The following FAM117A variants were observed in gnomAD, a reference collection of about 807,000 sequenced individuals.
FAM117A encodes protein FAM117A.
A neutral mutation model predicts 44.1 loss-of-function variants in FAM117A; 21 were observed. The ratio of observed to expected loss-of-function variants is 0.48; its 90% confidence interval spans 0.34 to 0.69. The LOEUF is 0.69. Ranked by LOEUF, FAM117A falls within the 30% of genes least tolerant of loss-of-function variation. The pLI is 0.01. For synonymous variants in FAM117A, 220 were observed against 238.3 expected (o/e 0.92, Z 0.71); for missense variants, 498 against 589.9 (o/e 0.84, Z 1.61).
rs1369469384 is a variant in FAM117A at position 49,722,567 on chromosome 17, C to T, written c.394G>A (p.Gly132Ser). Residue 132 changes from glycine to serine, a missense_variant, in exon 3 of 8, where the codon GGT (glycine) becomes AGT (serine). Physicochemically the swap from Gly to Ser is moderately conservative, Grantham distance 56. Around this residue, in one of 3 missense-constraint regions of FAM117A, gnomAD observed 270 missense variants for 277.4 expected, o/e 0.97. Transcript: ENST00000240364. ...QTPLSWQELE[G>S]ERASSCAHKR... is the part of the protein sequence containing the mutation. Reference sequence around the variant, plus strand: ...TGTGCACAGGAACTGGCACGCTCACCTTCTAGCTCTTGCCAGGACAGGGGC... The same window carrying T: ...TGTGCACAGGAACTGGCACGCTCACTTTCTAGCTCTTGCCAGGACAGGGGC... 6.2e-7 allele frequency: 1 copy of T among 1,613,970 alleles called. No individual in the cohort carries two copies. Among genetic ancestry groups the T allele is most frequent in the South Asian group, 1.1e-5 (1 of 91,046 alleles).
chr17:49,711,821 G>A (rs376748123), intron 7 of FAM117A, among the ~76,000 whole-genome samples: 3 of 152,350 alleles, frequency 2.0e-5, no homozygotes, highest in East Asian at 3.9e-4. Flanking sequence ...GATTCAAGAA[G>A]TGGAGACCAA....
At chr17:49,729,098 C>T (rs986718073) in intron 2 of FAM117A, among the ~76,000 whole-genome samples, 16 of 152,210 alleles carry the variant, frequency 1.1e-4, no homozygotes, top group African/African-American at 3.6e-4. Context: ...GAGAGCTTTT[C>T]GCTCCATCTT....
At chr17:49,758,635 A>AT (rs1244252386) in intron 1 of FAM117A, among the ~76,000 whole-genome samples, 1 of 101,694 alleles carries the variant, frequency 9.8e-6, no homozygotes, top group East Asian at 2.5e-4. Context: ...AAAAAAAAAA[A>AT]ATAAAATAAA....
chr17:49,733,409 T>C (rs1047483679), intron 1 of FAM117A, among the ~76,000 whole-genome samples: 3 of 152,178 alleles, frequency 2.0e-5, no homozygotes, highest in Admixed American at 2.0e-4. Context: ...CGGGTGGTGG[T>C]GGCTCATGCT....
At chr17:49,780,537 T>G (rs2073786774) in intron 1 of FAM117A, among the ~76,000 whole-genome samples, 2 of 152,050 alleles carry the variant, frequency 1.3e-5, no homozygotes, top group Non-Finnish European at 2.9e-5. Context: ...CACCAGTAAT[T>G]TTTTGTATTT....
Position 49,711,654 on chromosome 17 carries a change from A to C in FAM117A, c.1062-99T>G, listed in dbSNP as rs927190698. ...TGTCACAGCATCAAGGCAGCAGGAG[A>C]GCTGGGTCTCTGTTCAAACAGAATT... On this transcript the variant is annotated intron_variant, in intron 7 of 7. Transcript: ENST00000240364. 8 of 1,168,724 alleles carry C rather than the reference A, an allele frequency of 6.8e-6. No individual in the cohort carries two copies. In the African/African-American group the frequency reaches 1.1e-4, roughly 16 times the overall value. 72.4% of individuals were successfully genotyped at this position (1,168,724 alleles called of 1,614,324 possible).
Position 49,722,572 on chromosome 17 carries a change from A to G in FAM117A, c.389T>C (p.Leu130Pro). The G allele has an allele frequency of 1.2e-6, 2 of 1,613,936 alleles. No individual in the cohort carries two copies. Among genetic ancestry groups the G allele is most frequent in the Non-Finnish European group, 1.7e-6 (2 of 1,179,908 alleles). ...ACAGGAACTGGCACGCTCACCTTCTAGCTCTTGCCAGGACAGGGGCGTCTG... is the reference window on the plus strand; with the variant it reads ...ACAGGAACTGGCACGCTCACCTTCTGGCTCTTGCCAGGACAGGGGCGTCTG... ...ATQTPLSWQE[L>P]EGERASSCAH... Residue 130 changes from leucine (L) to proline (P), a missense_variant, in exon 3 of 8, where the codon CTA becomes CCA. Around this residue, in one of 3 missense-constraint regions of FAM117A, gnomAD observed 270 missense variants for 277.4 expected, o/e 0.97. Coordinates refer to ENST00000240364, the MANE Select transcript of FAM117A (RefSeq NM_030802.4).
chr17:49,738,312 G>A (rs1450747992), intron 1 of FAM117A, among the ~76,000 whole-genome samples: 1 of 152,070 alleles, frequency 6.6e-6, no homozygotes, highest in Non-Finnish European at 1.5e-5. Flanking sequence ...CATTCTTTCC[G>A]GCTCCCTCTG....
At chr17:49,731,917 CTG>C (rs1418950330) in intron 2 of FAM117A, among the ~76,000 whole-genome samples, 1 of 152,152 alleles carries the variant, frequency 6.6e-6, no homozygotes, top group Non-Finnish European at 1.5e-5. Context: ...TCCCAAGTAG[CTG>C]GGACTGCAGG....
intron 1 of FAM117A, among the ~76,000 whole-genome samples, chr17:49,782,833 C>T (rs917101019): frequency 5.3e-5 from 8 of 152,048 alleles, no homozygotes; most frequent in African/African-American, 1.7e-4. Context: ...GGTGAAAGTG[C>T]TCCTCTAGCC....
chr17:49,745,417 A>T (rs2143759909), intron 1 of FAM117A, among the ~76,000 whole-genome samples: 1 of 152,364 alleles, frequency 6.6e-6, no homozygotes, highest in Non-Finnish European at 1.5e-5. Flanking sequence ...CAGAAGATTT[A>T]TATAATCCCA....
rs2073474150 is a variant in FAM117A at position 49,710,900 on chromosome 17, T to C, written c.*355A>G. ...TGTGGCGTCTTCTCTCCTTCGTTCA[T>C]GGCCAGCTTGCTCTGTGACAAAAAT... On this transcript the variant is annotated 3_prime_UTR_variant, in exon 8 of 8. Transcript: ENST00000240364. 1 of 189,824 alleles carries C rather than the reference T, an allele frequency of 5.3e-6. No homozygotes were observed. Among genetic ancestry groups the C allele is most frequent in the East Asian group, 1.3e-4 (1 of 7,436 alleles). The allele number at this position is 189,824 out of a possible 1,614,324, so 11.8% of individuals were successfully genotyped here.
At chr17:49,726,215 A>T (rs529249897) in intron 2 of FAM117A, among the ~76,000 whole-genome samples, 1 of 152,178 alleles carries the variant, frequency 6.6e-6, no homozygotes, top group African/African-American at 2.4e-5. Context: ...GACATCGAGT[A>T]TTCTTTTTTT....
At chr17:49,727,077 AG>A (rs1188545102) in intron 2 of FAM117A, among the ~76,000 whole-genome samples, 2 of 152,226 alleles carry the variant, frequency 1.3e-5, no homozygotes, top group East Asian at 3.9e-4. Context: ...CTTTGGAAGC[AG>A]GGTAGAGCTG....
At chr17:49,711,678 T>C (rs1962203644) in intron 7 of FAM117A, 123 bp from the exon 8 acceptor site, 1 of 931,548 alleles carries the variant, frequency 1.1e-6, no homozygotes, top group Admixed American at 2.7e-5. Context: ...TCAAACAGAA[T>C]TGGAACTTGA....
intron 1 of FAM117A, among the ~76,000 whole-genome samples, chr17:49,751,667 C>T (rs1026105391): frequency 2.6e-5 from 4 of 151,998 alleles, no homozygotes; most frequent in Admixed American, 1.3e-4. Context: ...TTCTGGGCCA[C>T]GCACAGTGGC....
At chr17:49,789,082 A>G (rs937438344), upstream of FAM117A, 2 of 401,248 alleles carry the variant, frequency 5.0e-6, no homozygotes, top group East Asian at 7.5e-5. Context: ...AGGCGTTCTT[A>G]TTAATTGGTC....
intron 2 of FAM117A, among the ~76,000 whole-genome samples, chr17:49,730,208 G>A (rs1261782052): frequency 6.6e-6 from 1 of 152,222 alleles, no homozygotes; most frequent in East Asian, 1.9e-4. Context: ...CCACAATATT[G>A]ACAGGTTGCT....
intron 1 of FAM117A, among the ~76,000 whole-genome samples, chr17:49,737,952 C>T (rs554317376): frequency 6.6e-6 from 1 of 152,320 alleles, no homozygotes; most frequent in East Asian, 1.9e-4. Flanking sequence ...GCCTAGACAC[C>T]TGGAGGATGA....
Sources: allele counts gnomAD v4.1 joint callset (sites outside exome capture counted in the v4.1 genomes callset), GRCh38; gene constraint gnomAD v4.1.1; regional missense constraint gnomAD v4.1.1; transcripts MANE v1.5; gene names NCBI Gene and HGNC (gene_info 2026-07-23, HGNC 2026-07-21).